UNC13D: variants seen among roughly 807,000 people sequenced by gnomAD.
The protein encoded by UNC13D is protein unc-13 homolog D.
In UNC13D, 115 loss-of-function variants were observed where a neutral mutation model predicts 151.7. The observed-to-expected ratio is 0.76, with a 90% CI of 0.65 to 0.88. The LOEUF is 0.88. Among genes scored for constraint, UNC13D ranks in the 40% least tolerant of loss-of-function variants. The pLI is 0.00. For synonymous variants in UNC13D, 588 were observed against 612.2 expected, an observed-to-expected ratio of 0.96 and a Z score of 0.58; for missense variants, 1,369 against 1,438.7, an observed-to-expected ratio of 0.95 and a Z score of 0.78.
chr17:75,834,686 T>C lies in UNC13D; in HGVS notation c.2023A>G (p.Ser675Gly). 6.2e-7 allele frequency: 1 copy of C among 1,613,708 alleles called. No individual in the cohort carries two copies. The highest frequency in any genetic ancestry group is 8.5e-7 in the Non-Finnish European group (1 of 1,180,014). Residue 675 changes from serine (S) to glycine (G), a missense_variant, in exon 22 of 32, where the codon AGC becomes GGC. Physicochemically the swap from Ser to Gly is moderately conservative, Grantham distance 56 (BLOSUM62 0). Around this residue, in one of 3 missense-constraint regions of UNC13D, gnomAD observed 807 missense variants for 795.5 expected, o/e 1.01. Transcript: ENST00000207549. ...TCGCGGGCCCGGGCCTTTATAAGGC[T>C]GCAGTACACCAGGGCCAGGCGACAG... ...DTCRLALVYC[S>G]LIKARARELS...
rs908177691 is a variant in UNC13D, at chr17:75,830,532, G to T, written c.2709+46C>A. On this transcript the variant is annotated intron_variant, in intron 28 of 31. Coordinates refer to ENST00000207549, the MANE Select transcript of UNC13D (RefSeq NM_199242.3). ...TCAGCAGGGTCACAGCGGGAGCGGGGTGCTCCAGGGCCTGCAGAGGGCGCA... is the reference window on the plus strand; with the variant it reads ...TCAGCAGGGTCACAGCGGGAGCGGGTTGCTCCAGGGCCTGCAGAGGGCGCA... 3 of 1,576,878 alleles carry T rather than the reference G, an allele frequency of 1.9e-6. No individual in the cohort carries two copies. The African/African-American group carries it at 4.0e-5, about 21-fold the overall frequency.
chr17:75,837,064 T>C (rs1599409773), intron 12 of UNC13D, 146 bp from the exon 13 acceptor site: 1 of 686,812 alleles, frequency 1.5e-6, no homozygotes, highest in Non-Finnish European at 2.4e-6. Flanking sequence ...GGATTGTTTT[T>C]GTTTTGTGTT....
In UNC13D at chr17:75,835,531, T is replaced by C. The variant is rs1160623744; in HGVS notation, c.1728-2A>G. The stretch of plus-strand genomic sequence containing the variant: ...TTATCCAGGGCCAGGACTCCATCCC[T>C]GGGGATTGCCGGGGCTCAGCGTCGG... On this transcript the variant is annotated splice_acceptor_variant, in intron 19 of 31. Coordinates refer to ENST00000207549, the MANE Select transcript of UNC13D (RefSeq NM_199242.3). LOFTEE classifies it high-confidence loss of function. The C allele has an allele frequency of 1.9e-6, 3 of 1,603,268 alleles. No individual in the cohort carries two copies. The highest frequency in any genetic ancestry group is 1.3e-5 in the African/African-American group (1 of 74,694).
intron 27 of UNC13D, 66 bp downstream of exon 27, chr17:75,831,032 C>T: frequency 3.2e-6 from 5 of 1,584,364 alleles, no homozygotes; most frequent in Non-Finnish European, 4.3e-6. Context: ...CGACCCTGGA[C>T]ATAGGTGAGT....
At chr17:75,828,265 T>G (rs2062137856) in intron 31 of UNC13D, among the ~76,000 whole-genome samples, 179 bp from the exon 32 acceptor site, 2 of 152,228 alleles carry the variant, frequency 1.3e-5, no homozygotes, top group African/African-American at 2.4e-5. Flanking sequence ...ACGCATCCGG[T>G]CGGGTCGCGT....
chr17:75,830,717 G>A (rs1409496857), intron 27 of UNC13D, 56 bp from the exon 28 acceptor site: 1 of 1,544,166 alleles, frequency 6.5e-7, no homozygotes, highest in Non-Finnish European at 8.8e-7. Context: ...CCACAGCCCA[G>A]GCCTGCCCTC....
In UNC13D at chr17:75,830,599, G is replaced by T; in HGVS notation, c.2688C>A (p.Phe896Leu). 7.0e-6 allele frequency: 11 copies of T among 1,560,512 alleles called. No homozygotes were observed. Among genetic ancestry groups the T allele is most frequent in the Non-Finnish European group, 9.5e-6 (11 of 1,152,434 alleles). ...TCACCTGCTGCTGGATTCGGCTGCAGAAGTACTTCCGGATGAGTTCCCGGC... is the reference window on the plus strand; with the variant it reads ...TCACCTGCTGCTGGATTCGGCTGCATAAGTACTTCCGGATGAGTTCCCGGC... ...ASSRELIRKY[F>L]CSRIQQQAET... is the part of the protein sequence containing the mutation. The change falls in exon 28 of 32, where the codon TTC becomes TTA. Residue 896 changes from phenylalanine to leucine, a missense_variant. This residue lies in a region of UNC13D where 807 missense variants were observed against 795.5 expected (regional missense o/e 1.01). Coordinates refer to ENST00000207549, the MANE Select transcript of UNC13D (RefSeq NM_199242.3).
At chr17:75,828,190 CCAA>C in intron 31 of UNC13D, 104 bp from the exon 32 acceptor site, 2 of 1,470,630 alleles carry the variant, frequency 1.4e-6, no homozygotes, top group South Asian at 1.3e-5. Flanking sequence ...CTCCATCTCC[CCAA>C]CAACCTGGAA....
In UNC13D at chr17:75,828,082, G is replaced by A. The variant is rs1485268959; in HGVS notation, c.3156C>T (p.Asp1052=). The change falls in exon 32 of 32, where the codon GAC becomes GAT. Residue 1052 remains aspartate (D), a synonymous_variant. Coordinates refer to ENST00000207549, the MANE Select transcript of UNC13D (RefSeq NM_199242.3). ...GGCCCTCCAGCAGCTGCAGGATTGGGTCCCCTGCGGAGAGAGGGGTTTGGG... is the reference window on the plus strand; with the variant it reads ...GGCCCTCCAGCAGCTGCAGGATTGGATCCCCTGCGGAGAGAGGGGTTTGGG... The part of the protein sequence containing the change: ...LPLTYPAPNG[D]PILQLLEGRK... 3 of 1,572,724 alleles carry A rather than the reference G, an allele frequency of 1.9e-6. No individual in the cohort carries two copies. In the South Asian group the frequency reaches 3.5e-5, roughly 18 times the overall value.
At chr17:75,843,290 G>T (rs1211055804) in intron 2 of UNC13D, 24 bp from the exon 3 acceptor site, 1 of 1,602,486 alleles carries the variant, frequency 6.2e-7, no homozygotes, top group East Asian at 2.2e-5. Context: ...GGTCACCTTG[G>T]GGACCCCACC....
intron 26 of UNC13D, 37 bp from the exon 27 acceptor site, chr17:75,831,206 C>T (rs377733524): frequency 3.7e-5 from 59 of 1,613,972 alleles, no homozygotes; most frequent in Non-Finnish European, 4.4e-5. Context: ...AGGCACCCTC[C>T]CACCAGGGTT....
chr17:75,827,730 TAG>T lies in UNC13D; in HGVS notation c.*233_*234del. 6.7e-7 allele frequency: 1 copy of T among 1,500,912 alleles called. No individual in the cohort carries two copies. The highest frequency in any genetic ancestry group is 8.9e-7 in the Non-Finnish European group (1 of 1,124,792). 93.0% of individuals were successfully genotyped at this position (1,500,912 alleles called of 1,614,324 possible). Reference sequence around the variant, plus strand: ...TGCTCCCCCTGGTGCTGGGATGTGGTAGAGACATTGCAGCCAGGGCTGGAGGC... The same window carrying T: ...TGCTCCCCCTGGTGCTGGGATGTGGTAGACATTGCAGCCAGGGCTGGAGGC... On this transcript the variant is annotated 3_prime_UTR_variant, in exon 32 of 32. Coordinates refer to ENST00000207549, the MANE Select transcript of UNC13D (RefSeq NM_199242.3).
intron 29 of UNC13D, 76 bp downstream of exon 29, chr17:75,830,286 C>T (rs2064861475): frequency 4.5e-6 from 7 of 1,565,936 alleles, no homozygotes; most frequent in Middle Eastern, 2.3e-4. Context: ...GCAGGGTGAG[C>T]GAAGCCCCCA....
Position 75,842,581 on chromosome 17 carries a change from C to T in UNC13D, c.421G>A (p.Glu141Lys). 1 of 1,611,712 alleles carries T rather than the reference C, an allele frequency of 6.2e-7. No homozygotes were observed. The highest frequency in any genetic ancestry group is 8.5e-7 in the Non-Finnish European group (1 of 1,179,280). Residue 141 changes from glutamate to lysine, a missense_variant, in exon 6 of 32, where the codon GAG becomes AAG. Glu to Lys is a moderately conservative substitution (Grantham distance 56, BLOSUM62 1). This residue lies in a region of UNC13D where 550 missense variants were observed against 609.0 expected (regional missense o/e 0.90). Coordinates refer to ENST00000207549, the MANE Select transcript of UNC13D (RefSeq NM_199242.3). The stretch of plus-strand genomic sequence containing the variant: ...CCCCCTGGCACACCTACCCCCTGCT[C>T]AATGCCCAGCAGGCAGTAGGGGTCG... ...FSDPYCLLGI[E>K]QGVGVPGGSP...
rs1374520756 is a variant in UNC13D, at chr17:75,828,033, C to T, written c.3205G>A (p.Val1069Ile). 1 of 1,586,250 alleles carries T rather than the reference C, an allele frequency of 6.3e-7. No individual in the cohort carries two copies. The highest frequency in any genetic ancestry group is 1.8e-5 in the Admixed American group (1 of 56,028). Residue 1069 changes from valine (V) to isoleucine (I), a missense_variant, in exon 32 of 32, where the codon GTC becomes ATC. By Grantham distance (29) the Val-to-Ile change is conservative. Around this residue, in one of 3 missense-constraint regions of UNC13D, gnomAD observed 807 missense variants for 795.5 expected, o/e 1.01. Coordinates refer to ENST00000207549, the MANE Select transcript of UNC13D (RefSeq NM_199242.3). ...CGGTGCCGCCGCAGCCTCACAAAGA[C>T]CTGGGCTTCTCGGTCACCCTTCCGG... ...EGRKGDREAQ[V>I]FVRLRRHRAK...
chr17:75,840,192 T>C lies in UNC13D; in HGVS notation c.858+33A>G. 6.2e-7 allele frequency: 1 copy of C among 1,613,274 alleles called. No homozygotes were observed. Among genetic ancestry groups the C allele is most frequent in the Non-Finnish European group, 8.5e-7 (1 of 1,179,576 alleles). ...CAACCCAGCAGACCGCCGCAAGAGC[T>C]GGGCATGGCCACTGGCCCAGTACCC... On this transcript the variant is annotated intron_variant, in intron 10 of 31. Coordinates refer to ENST00000207549, the MANE Select transcript of UNC13D (RefSeq NM_199242.3). This position sits in a 1 kb window ranked among gnomAD's most constrained non-coding sequence, Gnocchi z 4.6.
Position 75,840,161 on chromosome 17 carries a change from G to T in UNC13D, c.859-51C>A. 6.2e-7 allele frequency: 1 copy of T among 1,611,372 alleles called. No individual in the cohort carries two copies. The highest frequency in any genetic ancestry group is 8.5e-7 in the Non-Finnish European group (1 of 1,178,586). Reference sequence around the variant, plus strand: ...CAGGGCCTCACACTGGGTGCAGCCAGCCCCGCAACCCAGCAGACCGCCGCA... The same window carrying T: ...CAGGGCCTCACACTGGGTGCAGCCATCCCCGCAACCCAGCAGACCGCCGCA... On this transcript the variant is annotated intron_variant, in intron 10 of 31. Coordinates refer to ENST00000207549, the MANE Select transcript of UNC13D (RefSeq NM_199242.3). The surrounding 1 kb of genome is among the most constrained non-coding windows in gnomAD (Gnocchi z 4.6).
chr17:75,834,951 T>G lies in UNC13D; in HGVS notation c.1961A>C (p.Glu654Ala), dbSNP rs1245291689. The G allele has an allele frequency of 6.2e-7, 1 of 1,614,062 alleles. No homozygotes were observed. Among genetic ancestry groups the G allele is most frequent in the East Asian group, 2.2e-5 (1 of 44,872 alleles). ...AAACTTGACGGTAATCATGAAGGCC[T>G]CCTCTGGGTCTGGCCAGTCCAGCTG... ...ARQLDWPDPE[E>A]AFMITVKFVE... The change falls in exon 21 of 32, where the codon GAG becomes GCG. Residue 654 changes from glutamate (E) to alanine (A), a missense_variant. Transcript: ENST00000207549.
At chr17:75,836,752 C>G (rs1320753998) in intron 13 of UNC13D, 49 bp downstream of exon 13, 2 of 1,613,414 alleles carry the variant, frequency 1.2e-6, no homozygotes, top group Non-Finnish European at 1.7e-6. Flanking sequence ...CTCCCCTGCC[C>G]CTTCCCTGAG....
Sources: allele counts gnomAD v4.1 joint callset (sites outside exome capture counted in the v4.1 genomes callset), GRCh38; gene constraint gnomAD v4.1.1; regional missense constraint gnomAD v4.1.1; non-coding constraint Gnocchi (gnomAD v3.1); transcripts MANE v1.5; gene names NCBI Gene and HGNC (gene_info 2026-07-23, HGNC 2026-07-21).